The following RAP1GDS1 variants were observed in gnomAD, a reference collection of about 807,000 sequenced individuals.
RAP1GDS1 encodes RAP1, GTP-GDP dissociation stimulator 1.
A neutral mutation model predicts 71.1 loss-of-function variants in RAP1GDS1; 35 were observed. The observed-to-expected ratio is 0.49, with a 90% confidence interval of 0.38 to 0.65. The LOEUF (loss-of-function observed/expected upper bound fraction) is 0.65, where lower values mean the gene tolerates loss of function less well. Ranked by LOEUF, RAP1GDS1 falls within the 30% of genes least tolerant of loss-of-function variation. The pLI, the probability that RAP1GDS1 is intolerant of heterozygous loss-of-function variation, is 0.00. For synonymous variants in RAP1GDS1, 229 were observed against 243.1 expected, an observed-to-expected ratio of 0.94 and a Z score of 0.54; for missense variants, 663 against 706.1, an observed-to-expected ratio of 0.94 and a Z score of 0.69.
intron 2 of RAP1GDS1, among the ~76,000 whole-genome samples, chr4:98,325,127 TTC>T (rs1333097396): frequency 6.6e-6 from 1 of 151,738 alleles, no homozygotes; most frequent in East Asian, 1.9e-4. Context: ...GAACAGACAC[TTC>T]TCAAAAGAAG....
chr4:98,342,102 T>C (rs1475563508), intron 2 of RAP1GDS1, among the ~76,000 whole-genome samples: 4 of 152,184 alleles, frequency 2.6e-5, no homozygotes, highest in Non-Finnish European at 4.4e-5. Flanking sequence ...ACCCACAGTT[T>C]GAAAAACTGT....
At chr4:98,377,619 A>T (rs1741346990) in intron 4 of RAP1GDS1, among the ~76,000 whole-genome samples, 1 of 130,292 alleles carries the variant, frequency 7.7e-6, no homozygotes, top group African/African-American at 3.3e-5. Flanking sequence ...CTGAGGTCTT[A>T]CTATATAATT....
At chr4:98,345,326 C>T (rs988187605) in intron 3 of RAP1GDS1, among the ~76,000 whole-genome samples, 28 of 152,186 alleles carry the variant, frequency 1.8e-4, no homozygotes, top group Non-Finnish European at 2.2e-4. Context: ...TTAGCATATA[C>T]TTCTTCCATT....
chr4:98,362,355 T>C (rs191065788), intron 4 of RAP1GDS1, among the ~76,000 whole-genome samples: 1 of 152,198 alleles, frequency 6.6e-6, no homozygotes, highest in Admixed American at 6.5e-5. Flanking sequence ...AGCACTTCTG[T>C]AGTCCTGCTA....
rs1483397852 is a variant in RAP1GDS1, at chr4:98,323,430, G to A, written c.113-19709G>A. 3.6e-3 allele frequency among the ~76,000 whole-genome samples: 373 copies of A among 102,442 alleles called. 4 individuals carry two copies. Among genetic ancestry groups the A allele is most frequent in the African/African-American group, 0.016 (355 of 22,636 alleles). 67.2% of individuals were successfully genotyped at this position (102,442 alleles called of 152,430 possible). On this transcript the variant is annotated intron_variant, in intron 2 of 14. Coordinates refer to ENST00000408927, the MANE Select transcript of RAP1GDS1 (RefSeq NM_001100427.2). The stretch of plus-strand genomic sequence containing the variant: ...CTCCCTAACTCATTTTATGAGGCCA[G>A]CATCATTCTGATACCAAAGCCGGGC...
rs773345189 is a variant in RAP1GDS1 at position 98,378,989 on chromosome 4, A to T, written c.362-28A>T. ...GTAAGGTACATTTCTTTTTTCTTTT[A>T]TTTTTAATTTAACTCTTTGTTTTAC... On this transcript the variant is annotated intron_variant, in intron 4 of 14. Coordinates refer to ENST00000408927, the MANE Select transcript of RAP1GDS1 (RefSeq NM_001100427.2). 19 of 1,529,684 alleles carry T rather than the reference A, an allele frequency of 1.2e-5. No individual in the cohort carries two copies. The Admixed American group carries it at 1.7e-4, about 14-fold the overall frequency. 94.8% of individuals were successfully genotyped at this position (1,529,684 alleles called of 1,614,324 possible).
At chr4:98,381,850 T>G (rs1024127) in intron 5 of RAP1GDS1, among the ~76,000 whole-genome samples, 1 of 151,436 alleles carries the variant, frequency 6.6e-6, no homozygotes, top group Admixed American at 6.6e-5. Context: ...AAAAAAGTAC[T>G]GAGAGTGGTC....
intron 4 of RAP1GDS1, among the ~76,000 whole-genome samples, chr4:98,358,632 A>T (rs566263559): frequency 6.6e-6 from 1 of 152,128 alleles, no homozygotes; most frequent in Admixed American, 6.6e-5. Context: ...TATCAGTTTG[A>T]TGGAAACCTG....
In RAP1GDS1 at chr4:98,443,574, C is replaced by T. The variant is rs1249620334; in HGVS notation, c.*1457C>T. The stretch of plus-strand genomic sequence containing the variant: ...TTCCTCTCCAACATGTGATGCTACA[C>T]ATCTCTGTGGATAATCTAAGTTGGA... On this transcript the variant is annotated 3_prime_UTR_variant, in exon 15 of 15. Coordinates refer to ENST00000408927, the MANE Select transcript of RAP1GDS1 (RefSeq NM_001100427.2). 1 of 222,792 alleles carries T rather than the reference C, an allele frequency of 4.5e-6. No individual in the cohort carries two copies. Among genetic ancestry groups the T allele is most frequent in the African/African-American group, 2.2e-5 (1 of 44,726 alleles). 13.8% of individuals were successfully genotyped at this position (222,792 alleles called of 1,614,324 possible).
chr4:98,317,777 A>T (rs1731158522), intron 2 of RAP1GDS1, among the ~76,000 whole-genome samples: 1 of 151,398 alleles, frequency 6.6e-6, no homozygotes, highest in Non-Finnish European at 1.5e-5. Flanking sequence ...AACAGACGCG[A>T]TGCTCTATGC....
rs544043922 is a variant in RAP1GDS1 at position 98,343,102 on chromosome 4, G to A, written c.113-37G>A. 1.2e-5 allele frequency: 19 copies of A among 1,561,668 alleles called. No individual in the cohort carries two copies. In the Admixed American group the frequency reaches 3.6e-4, roughly 30 times the overall value. On this transcript the variant is annotated intron_variant, in intron 2 of 14. Transcript: ENST00000408927. ...AATGGTTGTCAGTGTTAGCATTAAAGATTTTCACTGAAGCTCTTTGTATGT... is the reference window on the plus strand; with the variant it reads ...AATGGTTGTCAGTGTTAGCATTAAAAATTTTCACTGAAGCTCTTTGTATGT...
intron 4 of RAP1GDS1, among the ~76,000 whole-genome samples, chr4:98,376,280 A>G (rs1741170177): frequency 6.6e-6 from 1 of 152,114 alleles, no homozygotes; most frequent in Admixed American, 6.6e-5. Context: ...ACTTATGAGA[A>G]GAGTGAAAGA....
At chr4:98,311,969 AG>A (rs914639417) in intron 2 of RAP1GDS1, among the ~76,000 whole-genome samples, 7 of 152,152 alleles carry the variant, frequency 4.6e-5, no homozygotes, top group Non-Finnish European at 7.4e-5. Flanking sequence ...ACAATTAGGC[AG>A]GGGACAATGA....
chr4:98,342,364 G>T (rs1240501815), intron 2 of RAP1GDS1, among the ~76,000 whole-genome samples: 1 of 152,038 alleles, frequency 6.6e-6, no homozygotes, highest in Non-Finnish European at 1.5e-5. Context: ...TTAAACACAT[G>T]CCATTTCTCT....
chr4:98,295,186 G>A (rs986107988), intron 2 of RAP1GDS1, among the ~76,000 whole-genome samples: 1 of 152,018 alleles, frequency 6.6e-6, no homozygotes, highest in African/African-American at 2.4e-5. Context: ...GATTAAATTA[G>A]CTTACATTAG....
At chr4:98,263,242 A>T (rs1273234348) in intron 1 of RAP1GDS1, among the ~76,000 whole-genome samples, 1 of 152,152 alleles carries the variant, frequency 6.6e-6, no homozygotes, top group Non-Finnish European at 1.5e-5. Context: ...CTGATATTGG[A>T]CTGTAAGTTC....
intron 2 of RAP1GDS1, among the ~76,000 whole-genome samples, chr4:98,340,687 T>C (rs977732814): frequency 6.6e-6 from 1 of 152,064 alleles, no homozygotes; most frequent in African/African-American, 2.4e-5. Flanking sequence ...AGGCAGAGTT[T>C]GCAGTGAGCT....
intron 14 of RAP1GDS1, chr4:98,441,559 T>C (rs1367880700): frequency 8.1e-6 from 8 of 984,562 alleles, no homozygotes; most frequent in Non-Finnish European, 9.6e-6. Context: ...TAACTCATTA[T>C]TGTAATTAAT....
At chr4:98,283,834 T>G (rs1464977384) in intron 1 of RAP1GDS1, among the ~76,000 whole-genome samples, 7 of 151,746 alleles carry the variant, frequency 4.6e-5, no homozygotes, top group African/African-American at 9.7e-5. Context: ...TTTTTTTTTT[T>G]TTGTTAGTCA....
Sources: gnomAD v4.1 joint callset for allele counts (sites outside exome capture counted in the v4.1 genomes callset) on GRCh38, gnomAD v4.1.1 for gene constraint, MANE v1.5 for transcripts, NCBI Gene and HGNC (gene_info 2026-07-23, HGNC 2026-07-21) for gene names.